Variants in LRRC4C observed in about 807,000 individuals in gnomAD.
LRRC4C encodes leucine-rich repeat-containing protein 4C.
In LRRC4C, 5 loss-of-function variants were observed where a neutral mutation model predicts 33.6. The ratio of observed to expected loss-of-function variants is 0.15; its 90% CI spans 0.08 to 0.31. LRRC4C has a LOEUF of 0.31. Among genes scored for constraint, LRRC4C ranks in the 10% least tolerant of loss-of-function variants. The pLI is 1.00. For missense variants in LRRC4C, 560 were observed against 796.7 expected (o/e 0.70, Z 3.58); for synonymous variants, 329 against 302.0 (o/e 1.09, Z -0.93).
At chr11:41,304,117 A>C (rs1950385498) in intron 1 of LRRC4C, among the ~76,000 whole-genome samples, 1 of 70,416 alleles carries the variant, frequency 1.4e-5, no homozygotes, top group Non-Finnish European at 3.4e-5. Flanking sequence ...GGCCGCCCCT[A>C]CTGGGAAGTG....
intron 1 of LRRC4C, among the ~76,000 whole-genome samples, chr11:41,202,583 G>T (rs771266448): frequency 2.0e-5 from 3 of 152,028 alleles, no homozygotes; most frequent in Admixed American, 1.3e-4. Flanking sequence ...AAACACAAGT[G>T]AGGTTCAGTG....
intron 2 of LRRC4C, among the ~76,000 whole-genome samples, chr11:40,707,017 G>A (rs954291742): frequency 6.6e-6 from 1 of 151,992 alleles, no homozygotes; most frequent in Admixed American, 6.6e-5. Flanking sequence ...CTGTTTGTCT[G>A]TTATAAGCAT....
intron 1 of LRRC4C, among the ~76,000 whole-genome samples, chr11:41,069,494 G>A (rs1443999513): frequency 6.6e-6 from 1 of 152,108 alleles, no homozygotes; most frequent in African/African-American, 2.4e-5. Flanking sequence ...GTTTGCAGAT[G>A]GCATGACTGT....
chr11:40,808,510 A>G (rs547259434), intron 2 of LRRC4C, among the ~76,000 whole-genome samples: 2 of 152,102 alleles, frequency 1.3e-5, no homozygotes, highest in African/African-American at 4.8e-5. Flanking sequence ...TACTATTTAT[A>G]TTTTATTTTC....
intron 2 of LRRC4C, among the ~76,000 whole-genome samples, chr11:40,898,950 A>G (rs1956090258): frequency 6.6e-6 from 1 of 152,158 alleles, no homozygotes; most frequent in Admixed American, 6.5e-5. Context: ...CCTTAGATAC[A>G]TACATTAAAA....
intron 1 of LRRC4C, among the ~76,000 whole-genome samples, chr11:41,068,771 C>G (rs915557002): frequency 6.6e-6 from 1 of 151,978 alleles, no homozygotes; most frequent in Non-Finnish European, 1.5e-5. Flanking sequence ...ACCTACCAAC[C>G]AACAACCAAA....
Position 40,317,663 on chromosome 11 carries a change from C to T in LRRC4C, c.-176+1965G>A, listed in dbSNP as rs78957484. Among the ~76,000 whole-genome samples, 1,099 of 152,238 alleles carry T rather than the reference C, an allele frequency of 7.2e-3. 9 individuals carry two copies. Among genetic ancestry groups the T allele is most frequent in the African/African-American group, 0.025 (1,028 of 41,570 alleles). On this transcript the variant is annotated intron_variant, in intron 4 of 6. Transcript: ENST00000528697. Reference sequence around the variant, plus strand: ...CATCCTACATGTTCCTTCCTGAGATCACCTTCTCAATTACTATATTAACTT... The same window carrying T: ...CATCCTACATGTTCCTTCCTGAGATTACCTTCTCAATTACTATATTAACTT...
chr11:41,430,982 A>G (rs1280019869), intron 1 of LRRC4C, among the ~76,000 whole-genome samples: 3 of 152,118 alleles, frequency 2.0e-5, no homozygotes, highest in Admixed American at 6.6e-5. Flanking sequence ...ACTACTCTCA[A>G]CTAATCAGAG....
At chr11:40,903,281 C>T (rs1366578001) in intron 2 of LRRC4C, among the ~76,000 whole-genome samples, 1 of 152,050 alleles carries the variant, frequency 6.6e-6, no homozygotes, top group Admixed American at 6.6e-5. Flanking sequence ...GTTTTTAAGC[C>T]CAATGTTGAG....
chr11:40,172,397 C>T (rs1860118942), intron 5 of LRRC4C, among the ~76,000 whole-genome samples: 1 of 152,266 alleles, frequency 6.6e-6, no homozygotes, highest in East Asian at 1.9e-4. Flanking sequence ...ACAGAACAGC[C>T]AGAATGGTTT....
At chr11:40,285,757 G>A (rs1943792689) in intron 4 of LRRC4C, among the ~76,000 whole-genome samples, 1 of 152,126 alleles carries the variant, frequency 6.6e-6, no homozygotes, top group Non-Finnish European at 1.5e-5. Context: ...CAAGCCCAGT[G>A]AAAACATTCA....
intron 3 of LRRC4C, among the ~76,000 whole-genome samples, chr11:40,523,575 T>C (rs1418927322): frequency 6.7e-6 from 1 of 148,610 alleles, no homozygotes; most frequent in Non-Finnish European, 1.5e-5. Context: ...TTATGTAAAA[T>C]ATAGATTTAT....
chr11:40,392,489 A>G (rs1436101167), intron 3 of LRRC4C, among the ~76,000 whole-genome samples: 2 of 152,126 alleles, frequency 1.3e-5, no homozygotes, highest in African/African-American at 2.4e-5. Context: ...TTGCTCTAAA[A>G]ATAATGTCTA....
chr11:40,982,544 T>C (rs1244930634), intron 1 of LRRC4C, among the ~76,000 whole-genome samples: 2 of 152,192 alleles, frequency 1.3e-5, no homozygotes, highest in Non-Finnish European at 2.9e-5. Context: ...GCAGATTAGT[T>C]TTGAGATGGG....
chr11:41,454,346 G>A (rs919911512), intron 1 of LRRC4C, among the ~76,000 whole-genome samples: 2 of 152,130 alleles, frequency 1.3e-5, no homozygotes, highest in Non-Finnish European at 2.9e-5. Context: ...TAACTATCAA[G>A]TCAAAATTCC....
intron 3 of LRRC4C, among the ~76,000 whole-genome samples, chr11:40,540,102 A>G (rs542538120): frequency 6.6e-6 from 1 of 152,158 alleles, no homozygotes; most frequent in Non-Finnish European, 1.5e-5. Flanking sequence ...GGACTCATTG[A>G]GATTTTGCAG....
At chr11:41,344,379 C>G (rs1192664301) in intron 1 of LRRC4C, among the ~76,000 whole-genome samples, 2 of 152,022 alleles carry the variant, frequency 1.3e-5, no homozygotes, top group Admixed American at 6.6e-5. Flanking sequence ...CGCCACCACG[C>G]CTGGCTAATT....
chr11:40,203,105 C>T (rs1003817528), intron 5 of LRRC4C, among the ~76,000 whole-genome samples: 3 of 152,124 alleles, frequency 2.0e-5, no homozygotes, highest in Non-Finnish European at 4.4e-5. Flanking sequence ...TCTAAATTAG[C>T]AAGCCTTGCA....
At chr11:40,570,740 T>C (rs532146076) in intron 3 of LRRC4C, among the ~76,000 whole-genome samples, 26 of 152,284 alleles carry the variant, frequency 1.7e-4, no homozygotes, top group African/African-American at 5.8e-4. Flanking sequence ...ATGACACCTG[T>C]TCTAAAGACA....
Sources: gnomAD v4.1 joint callset for allele counts (sites outside exome capture counted in the v4.1 genomes callset) on GRCh38, gnomAD v4.1.1 for gene constraint, MANE v1.5 for transcripts, NCBI Gene and HGNC (gene_info 2026-07-23, HGNC 2026-07-21) for gene names.